IRF2: variants seen among roughly 807,000 people sequenced by gnomAD.
The protein encoded by IRF2 is interferon regulatory factor 2.
Under a neutral mutation model 40.6 loss-of-function variants are expected in IRF2, and 15 were observed. That is an observed-to-expected ratio of 0.37 (90% CI 0.25 to 0.57). The LOEUF is 0.57. IRF2 is among the 20% of genes least tolerant of loss of function. IRF2 has a pLI of 0.77. For synonymous variants in IRF2, 151 were observed against 165.5 expected (o/e 0.91, Z 0.67); for missense variants, 317 against 455.7 (o/e 0.70, Z 2.77).
intron 8 of IRF2, among the ~76,000 whole-genome samples, chr4:184,389,714 C>A (rs1002662451): frequency 6.6e-6 from 1 of 152,138 alleles, no homozygotes; most frequent in African/African-American, 2.4e-5. Context: ...TTGTGCTCTG[C>A]GGCTCGGCCC....
intron 7 of IRF2, among the ~76,000 whole-genome samples, chr4:184,394,719 C>T (rs939792551): frequency 3.3e-5 from 5 of 152,170 alleles, no homozygotes; most frequent in African/African-American, 7.2e-5. Context: ...CCATCCTCCC[C>T]CACCCCATTA....
At chr4:184,428,516 G>A (rs952426543) in intron 2 of IRF2, among the ~76,000 whole-genome samples, 1 of 152,214 alleles carries the variant, frequency 6.6e-6, no homozygotes, top group African/African-American at 2.4e-5. Context: ...ATCCTTTTGT[G>A]ACCGGGTTCA....
chr4:184,470,318 C>G (rs1468676385), intron 1 of IRF2, among the ~76,000 whole-genome samples: 1 of 152,166 alleles, frequency 6.6e-6, no homozygotes, highest in Non-Finnish European at 1.5e-5. Flanking sequence ...TTAATATTTA[C>G]TTTCATGTAT....
chr4:184,458,177 G>A (rs967880578), intron 1 of IRF2, among the ~76,000 whole-genome samples: 9 of 152,206 alleles, frequency 5.9e-5, no homozygotes, highest in Admixed American at 4.6e-4. Context: ...GGTCAAAGAC[G>A]TAATTCTTAG....
intron 1 of IRF2, among the ~76,000 whole-genome samples, chr4:184,438,995 C>T (rs926130443): frequency 7.2e-5 from 11 of 152,142 alleles, no homozygotes; most frequent in African/African-American, 1.9e-4. Context: ...AGACGTTTAA[C>T]GTTTGGATGG....
intron 6 of IRF2, among the ~76,000 whole-genome samples, chr4:184,402,472 A>G (rs957132988): frequency 6.6e-6 from 1 of 152,152 alleles, no homozygotes; most frequent in South Asian, 2.1e-4. Context: ...GGTTAACGCT[A>G]TATACCCGTA....
chr4:184,387,729 T>C lies in IRF2; in HGVS notation c.*1029A>G, dbSNP rs1736106719. 6.6e-6 allele frequency: 1 copy of C among 152,534 alleles called. No homozygotes were observed. Among genetic ancestry groups the C allele is most frequent in the African/African-American group, 2.4e-5 (1 of 41,404 alleles). 9.4% of individuals were successfully genotyped at this position (152,534 alleles called of 1,614,324 possible). ...AGCCAGGAGTGATGCCCCTTAAAAA[T>C]TTAACTATATATCATATTCATTTAT... On this transcript the variant is annotated 3_prime_UTR_variant, in exon 9 of 9. Transcript: ENST00000393593.
intron 1 of IRF2, among the ~76,000 whole-genome samples, chr4:184,430,290 C>T (rs1196012706): frequency 2.5e-5 from 3 of 118,480 alleles, no homozygotes; most frequent in Non-Finnish European, 4.0e-5. Flanking sequence ...TGCTGTCTGG[C>T]CCAGCCTTTT....
intron 1 of IRF2, among the ~76,000 whole-genome samples, chr4:184,441,775 C>A (rs1187624645): frequency 6.6e-6 from 1 of 152,194 alleles, no homozygotes; most frequent in Non-Finnish European, 1.5e-5. Flanking sequence ...ATAAGCTCAC[C>A]TGATTCACAG....
intron 7 of IRF2, among the ~76,000 whole-genome samples, chr4:184,396,063 T>C (rs533145373): frequency 1.1e-3 from 160 of 152,318 alleles, no homozygotes; most frequent in Non-Finnish European, 2.0e-3. Flanking sequence ...GAAAACCACA[T>C]GGAGTGTAAC....
intron 1 of IRF2, among the ~76,000 whole-genome samples, chr4:184,444,366 G>A (rs1004885958): frequency 6.6e-6 from 1 of 152,136 alleles, no homozygotes; most frequent in Admixed American, 6.5e-5. Flanking sequence ...ACTTCCCAGG[G>A]CACTGCTTCA....
chr4:184,402,386 C>T (rs1222786169), intron 6 of IRF2, among the ~76,000 whole-genome samples: 1 of 152,180 alleles, frequency 6.6e-6, no homozygotes, highest in Non-Finnish European at 1.5e-5. Context: ...CTGGGTGCCT[C>T]TCACTCACTG....
chr4:184,422,066 TTC>T (rs138879627), intron 2 of IRF2, among the ~76,000 whole-genome samples: 7,479 of 152,224 alleles, frequency 0.049, 255 homozygotes, highest in Non-Finnish European at 0.079. Context: ...GCCTGCACCA[TTC>T]TCTCTTCCTC....
chr4:184,447,856 T>TC (rs747421067), intron 1 of IRF2, among the ~76,000 whole-genome samples: 46 of 152,142 alleles, frequency 3.0e-4, no homozygotes, highest in Non-Finnish European at 4.6e-4. Flanking sequence ...GCACCGAAAT[T>TC]CAACACCTAG....
In IRF2 at chr4:184,419,678, T is replaced by C. The variant is rs117471923; in HGVS notation, c.88-110A>G. On this transcript the variant is annotated intron_variant, in intron 2 of 8. Coordinates refer to ENST00000393593, the MANE Select transcript of IRF2 (RefSeq NM_002199.4). ...AGCAAGATTCCCCAGCAAGCATCGC[T>C]GAATGTGTTGACTGCTGACAAGAAA... The C allele has an allele frequency of 5.6e-4, 402 of 711,932 alleles. 1 individual carries two copies. The East Asian group carries it at 0.01, about 18-fold the overall frequency. The allele number at this position is 711,932 out of a possible 1,614,324, so 44.1% of individuals were successfully genotyped here. A position where few individuals can be genotyped will look rare whatever the true frequency, so the allele number is the denominator to read the frequency against.
intron 6 of IRF2, among the ~76,000 whole-genome samples, chr4:184,399,632 C>G (rs1433103204): frequency 6.6e-6 from 1 of 152,244 alleles, no homozygotes; most frequent in East Asian, 1.9e-4. Context: ...GTTTCCATTT[C>G]TCTGGGATAA....
chr4:184,464,633 A>G (rs900544850), intron 1 of IRF2, among the ~76,000 whole-genome samples: 1 of 152,200 alleles, frequency 6.6e-6, no homozygotes, highest in African/African-American at 2.4e-5. Context: ...TAAAACCTCT[A>G]ATCTCCTCAA....
intron 2 of IRF2, 147 bp from the exon 3 acceptor site, chr4:184,419,715 A>T (rs1737413302): frequency 1.3e-5 from 8 of 613,698 alleles, no homozygotes; most frequent in Non-Finnish European, 2.3e-5. Context: ...TCTACTGTAA[A>T]CCAAACCCAC....
intron 1 of IRF2, among the ~76,000 whole-genome samples, chr4:184,469,633 C>T (rs1276028551): frequency 2.6e-5 from 4 of 152,180 alleles, no homozygotes; most frequent in Admixed American, 2.6e-4. Flanking sequence ...TATGATCGAG[C>T]CACCGCACTC....
Sources: gnomAD v4.1 joint callset for allele counts (sites outside exome capture counted in the v4.1 genomes callset) on GRCh38, gnomAD v4.1.1 for gene constraint, MANE v1.5 for transcripts, NCBI Gene and HGNC (gene_info 2026-07-23, HGNC 2026-07-21) for gene names.